Variants in CNGB3 observed in about 807,000 individuals in gnomAD.
CNGB3 encodes the protein cyclic nucleotide-gated channel beta-3.
CNGB3 carries 86 observed loss-of-function variants against 92.8 expected under a neutral mutation model. That is an observed-to-expected ratio of 0.93 (90% confidence interval 0.78 to 1.11). CNGB3 has a LOEUF of 1.11. CNGB3 is among the 50% of genes least tolerant of loss of function. The pLI, the probability that CNGB3 is intolerant of heterozygous loss-of-function variation, is 0.00. For missense variants in CNGB3, 1,026 were observed against 956.8 expected, an observed-to-expected ratio of 1.07 and a Z score of -0.95; for synonymous variants, 333 against 332.7, an observed-to-expected ratio of 1.00 and a Z score of -0.01.
intron 2 of CNGB3, among the ~76,000 whole-genome samples, chr8:86,735,049 T>G (rs866735710): frequency 0.15 from 19,043 of 126,892 alleles, 1,759 homozygotes; most frequent in East Asian, 0.31. Flanking sequence ...GTGGTTTTTT[T>G]TTTTTTTTTT....
At chr8:86,713,328 C>G (rs1402509601) in intron 3 of CNGB3, among the ~76,000 whole-genome samples, 1 of 152,184 alleles carries the variant, frequency 6.6e-6, no homozygotes, top group Admixed American at 6.5e-5. Flanking sequence ...TTATGATCTG[C>G]TCATGCCTAG....
Position 86,696,500 on chromosome 8 carries a change from T to C in CNGB3, c.339-25402A>G, listed in dbSNP as rs546549807. Among the ~76,000 whole-genome samples the C allele has an allele frequency of 3.9e-5, 6 of 152,244 alleles. No individual in the cohort carries two copies. The South Asian group carries it at 1.2e-3, about 32-fold the overall frequency. ...TCAAAGGGTCTGTGAATTCTTCCAG[T>C]TTTTCCAGTATGTTCCTACAGTGGT... On this transcript the variant is annotated intron_variant, in intron 3 of 17. Transcript: ENST00000320005.
chr8:86,582,590 G>A (rs541251066), intron 15 of CNGB3, among the ~76,000 whole-genome samples: 2 of 152,106 alleles, frequency 1.3e-5, no homozygotes, highest in Admixed American at 6.6e-5. Context: ...CCAGAGGGGG[G>A]AAGTACCTAA....
intron 6 of CNGB3, among the ~76,000 whole-genome samples, chr8:86,663,377 T>A (rs1823682546): frequency 1.3e-5 from 2 of 152,240 alleles, no homozygotes; most frequent in African/African-American, 4.8e-5. Context: ...TTTGACTGCG[T>A]TTCAAAATTC....
chr8:86,740,332 T>C (rs914187511), intron 1 of CNGB3, among the ~76,000 whole-genome samples: 7 of 152,110 alleles, frequency 4.6e-5, no homozygotes, highest in African/African-American at 1.7e-4. Context: ...AAAATGTAGG[T>C]GACGAATCAA....
intron 15 of CNGB3, among the ~76,000 whole-genome samples, chr8:86,590,780 C>T (rs1215166453): frequency 6.8e-6 from 1 of 147,718 alleles, no homozygotes; most frequent in Non-Finnish European, 1.5e-5. Flanking sequence ...ACATTTTCTC[C>T]TTCATTTCAC....
In CNGB3 at chr8:86,664,431, G is replaced by A. The variant is rs114978423; in HGVS notation, c.852+2494C>T. 2.8e-3 allele frequency among the ~76,000 whole-genome samples: 433 copies of A among 152,312 alleles called. 3 individuals are homozygous for A. The highest frequency in any genetic ancestry group is 0.01 in the African/African-American group (420 of 41,564). ...GTCTGCTCTTCCTATTGTGATATTG[G>A]AGGACATGTTCTGTGCAGCCCTTGC... On this transcript the variant is annotated intron_variant, in intron 6 of 17. Coordinates refer to ENST00000320005, the MANE Select transcript of CNGB3 (RefSeq NM_019098.5).
chr8:86,665,216 A>T (rs376015344), intron 6 of CNGB3, among the ~76,000 whole-genome samples: 4 of 152,310 alleles, frequency 2.6e-5, no homozygotes, highest in South Asian at 4.1e-4. Context: ...CCACAATGAG[A>T]TACCATCTCA....
chr8:86,679,403 A>G (rs1824036646), intron 3 of CNGB3, among the ~76,000 whole-genome samples: 1 of 152,146 alleles, frequency 6.6e-6, no homozygotes, highest in Non-Finnish European at 1.5e-5. Flanking sequence ...CTAACCCCTA[A>G]TGTGACTGAA....
intron 3 of CNGB3, among the ~76,000 whole-genome samples, chr8:86,718,080 C>G (rs190192297): frequency 6.6e-6 from 1 of 151,166 alleles, no homozygotes; most frequent in Non-Finnish European, 1.5e-5. Context: ...AACAAAGTGA[C>G]AATCTAAGGT....
intron 15 of CNGB3, among the ~76,000 whole-genome samples, chr8:86,599,627 G>A (rs193204060): frequency 2.2e-4 from 33 of 152,210 alleles, no homozygotes; most frequent in African/African-American, 2.4e-5. Flanking sequence ...CCTTGGGGGC[G>A]GCTGTCTTTT....
intron 6 of CNGB3, chr8:86,660,809 T>C (rs575355042): frequency 2.1e-6 from 1 of 482,450 alleles, no homozygotes; most frequent in African/African-American, 2.0e-5. Context: ...CCCTCCAAAG[T>C]CTATGAATAC....
Position 86,592,002 on chromosome 8 carries a change from C to T in CNGB3, c.1781+12091G>A, listed in dbSNP as rs200511012. On this transcript the variant is annotated intron_variant, in intron 15 of 17. Coordinates refer to ENST00000320005, the MANE Select transcript of CNGB3 (RefSeq NM_019098.5). ...CTAGCAATCAGCGAGACTCCGTGGG[C>T]GTAGGACCCTCTGAGCCAGGTGCAG... Among the ~76,000 whole-genome samples, 18 of 150,312 alleles carry T rather than the reference C, an allele frequency of 1.2e-4. No individual in the cohort carries two copies. In the East Asian group the frequency reaches 2.9e-3, roughly 24 times the overall value.
chr8:86,608,150 A>G (rs1346984898), intron 14 of CNGB3, among the ~76,000 whole-genome samples: 1 of 152,256 alleles, frequency 6.6e-6, no homozygotes, highest in African/African-American at 2.4e-5. Flanking sequence ...ATGATTATAT[A>G]TGAATATCAT....
At chr8:86,638,875 C>G (rs1360774633) in intron 10 of CNGB3, among the ~76,000 whole-genome samples, 1 of 150,420 alleles carries the variant, frequency 6.6e-6, no homozygotes, top group African/African-American at 2.5e-5. Context: ...TTGTTATATT[C>G]CAAGGGTGAC....
chr8:86,625,913 C>G (rs1274676390), intron 13 of CNGB3, 70 bp downstream of exon 13: 2 of 1,250,460 alleles, frequency 1.6e-6, no homozygotes, highest in East Asian at 2.4e-5. Flanking sequence ...CTCATAAATG[C>G]TGTATAAATC....
intron 10 of CNGB3, among the ~76,000 whole-genome samples, chr8:86,643,291 G>A (rs1024500285): frequency 6.6e-6 from 1 of 151,490 alleles, no homozygotes; most frequent in Non-Finnish European, 1.5e-5. Flanking sequence ...TAGTGATCAA[G>A]TCAGGGTGTT....
At chr8:86,701,805 C>T (rs73274804) in intron 3 of CNGB3, among the ~76,000 whole-genome samples, 15,897 of 151,870 alleles carry the variant, frequency 0.1, 848 homozygotes, top group Middle Eastern at 0.13. Context: ...TCATTTGTTA[C>T]GAATTTTACC....
intron 9 of CNGB3, 118 bp downstream of exon 9, chr8:86,644,504 C>A: frequency 1.5e-6 from 2 of 1,352,320 alleles, no homozygotes; most frequent in Non-Finnish European, 2.0e-6. Flanking sequence ...TTTATATAGC[C>A]AAAGCTGAAA....
Sources: allele counts gnomAD v4.1 joint callset (sites outside exome capture counted in the v4.1 genomes callset), GRCh38; gene constraint gnomAD v4.1.1; transcripts MANE v1.5; gene names NCBI Gene and HGNC (gene_info 2026-07-23, HGNC 2026-07-21).